The following KDM1B variants were observed in gnomAD, a reference collection of about 807,000 sequenced individuals.
The protein encoded by KDM1B is lysine-specific histone demethylase 2.
A neutral mutation model predicts 107.4 loss-of-function variants in KDM1B; 63 were observed. The ratio of observed to expected loss-of-function variants is 0.59; its 90% confidence interval spans 0.48 to 0.72. The LOEUF (loss-of-function observed/expected upper bound fraction) is 0.72. KDM1B is among the 30% of genes least tolerant of loss of function. The pLI is 0.00. For missense variants in KDM1B, 749 were observed against 1,020.8 expected, an observed-to-expected ratio of 0.73 and a Z score of 3.63; for synonymous variants, 363 against 363.9, an observed-to-expected ratio of 1.00 and a Z score of 0.03.
intron 15 of KDM1B, among the ~76,000 whole-genome samples, chr6:18,206,394 G>A (rs9477675): frequency 0.14 from 20,568 of 152,098 alleles, 1,458 homozygotes; most frequent in African/African-American, 0.19. Context: ...GCATGTGCCT[G>A]TAGTCCCAGC....
At chr6:18,188,610 T>TTTTTA (rs1164459746) in intron 9 of KDM1B, among the ~76,000 whole-genome samples, 1 of 152,016 alleles carries the variant, frequency 6.6e-6, no homozygotes, top group Non-Finnish European at 1.5e-5. Flanking sequence ...TTTACTTTAT[T>TTTTTA]TTTTATTTTA....
rs200698143 is a variant in KDM1B, at chr6:18,208,601, A to ATG, written c.1866+397_1866+398dup. 8.6e-3 allele frequency among the ~76,000 whole-genome samples: 329 copies of ATG among 38,288 alleles called. 30 individuals carry two copies. The highest frequency in any genetic ancestry group is 0.025 in the African/African-American group (253 of 10,260). The allele number at this position is 38,288 out of a possible 152,430, so 25.1% of individuals were successfully genotyped here. A position where few individuals can be genotyped will look rare whatever the true frequency, so the allele number is the denominator to read the frequency against. ...TATAGGGTTAAATAGAAGTATGTGT[A>ATG]TGTATATATATATATATATATATAT... On this transcript the variant is annotated intron_variant, in intron 17 of 21. Transcript: ENST00000650836.
intron 7 of KDM1B, among the ~76,000 whole-genome samples, chr6:18,179,634 A>T (rs1786293227): frequency 6.6e-6 from 1 of 151,102 alleles, no homozygotes; most frequent in African/African-American, 2.4e-5. Context: ...TGTCTTTTTC[A>T]TCTATGTTGT....
At chr6:18,221,843 T>C (rs1789776135) in intron 21 of KDM1B, 66 bp from the exon 22 acceptor site, 4 of 1,292,168 alleles carry the variant, frequency 3.1e-6, no homozygotes, top group Non-Finnish European at 4.3e-6. Context: ...AGTCTAACCT[T>C]GTTTTACCTT....
chr6:18,165,187 G>A (rs758637301), intron 5 of KDM1B, among the ~76,000 whole-genome samples: 1 of 132,074 alleles, frequency 7.6e-6, no homozygotes, highest in South Asian at 2.4e-4. Context: ...AGGCTGGAGT[G>A]CAGTGGCGTA....
chr6:18,179,312 G>T (rs1184523675), intron 7 of KDM1B, among the ~76,000 whole-genome samples: 2 of 152,112 alleles, frequency 1.3e-5, no homozygotes, highest in African/African-American at 4.8e-5. Context: ...TTTTGTTAAA[G>T]ATTTTTGCAT....
intron 7 of KDM1B, among the ~76,000 whole-genome samples, chr6:18,184,734 T>G (rs1477348074): frequency 1.5e-5 from 2 of 129,212 alleles, no homozygotes; most frequent in South Asian, 2.4e-4. Flanking sequence ...CTAGCTTTTT[T>G]CCTTTTTTTT....
chr6:18,155,894 C>G lies in KDM1B; in HGVS notation c.-46C>G, dbSNP rs1216997824. Reference sequence around the variant, plus strand: ...TCCTTTCTGTACAGCGGTGCCTTTTCCCCGAGACTCCCGGCACCTCTTCAG... The same window carrying G: ...TCCTTTCTGTACAGCGGTGCCTTTTGCCCGAGACTCCCGGCACCTCTTCAG... On this transcript the variant is annotated 5_prime_UTR_variant, in exon 2 of 22. Transcript: ENST00000650836. This position sits in a 1 kb window ranked among gnomAD's most constrained non-coding sequence, Gnocchi z 6.2. The G allele has an allele frequency of 6.6e-6, 1 of 152,180 alleles. No homozygotes were observed. Among genetic ancestry groups the G allele is most frequent in the African/African-American group, 2.4e-5 (1 of 41,450 alleles). The allele number at this position is 152,180 out of a possible 1,614,324, so 9.4% of individuals were successfully genotyped here.
Position 18,203,474 on chromosome 6 carries a change from G to A in KDM1B, c.1531+1817G>A, listed in dbSNP as rs1047470686. On this transcript the variant is annotated intron_variant, in intron 14 of 21. Transcript: ENST00000650836. The surrounding 1 kb of genome is among the most constrained non-coding windows in gnomAD (Gnocchi z 5.5). ...ATCTCATCTTACCAGCACAAAGCTG[G>A]GGAAACTCAAATCTAAATACTAAGG... 3.7e-4 allele frequency among the ~76,000 whole-genome samples: 57 copies of A among 152,222 alleles called. No homozygotes were observed. The highest frequency in any genetic ancestry group is 1.2e-3 in the African/African-American group (51 of 41,528).
rs1032243085 is a variant in KDM1B at position 18,214,512 on chromosome 6, G to A, written c.2110-495G>A. Among the ~76,000 whole-genome samples the A allele has an allele frequency of 7.2e-5, 11 of 152,222 alleles. No homozygotes were observed. The highest frequency in any genetic ancestry group is 2.7e-4 in the African/African-American group (11 of 41,458). On this transcript the variant is annotated intron_variant, in intron 19 of 21. Transcript: ENST00000650836. The surrounding 1 kb of genome is among the most constrained non-coding windows in gnomAD (Gnocchi z 4.4). ...TAGTGTTTTTCTTTTCCAGCAGGAA[G>A]CAATAGAGTGGATGGATGAATAATG...
Position 18,213,620 on chromosome 6 carries a change from A to G in KDM1B, c.1984-36A>G. 6.2e-7 allele frequency: 1 copy of G among 1,611,950 alleles called. No homozygotes were observed. Among genetic ancestry groups the G allele is most frequent in the South Asian group, 1.1e-5 (1 of 90,992 alleles). ...ATATTGCCTGTGGTTTTGTGACGAC[A>G]GACACCTAACCACCTTTCTTCTGCT... On this transcript the variant is annotated intron_variant, in intron 18 of 21. Transcript: ENST00000650836. The surrounding 1 kb of genome is among the most constrained non-coding windows in gnomAD (Gnocchi z 5.9).
At chr6:18,219,693 G>A (rs1789528377) in intron 21 of KDM1B, among the ~76,000 whole-genome samples, 2 of 152,060 alleles carry the variant, frequency 1.3e-5, no homozygotes, top group African/African-American at 4.8e-5. Context: ...CCAAATCCCC[G>A]ATCCATCACC....
intron 5 of KDM1B, among the ~76,000 whole-genome samples, chr6:18,165,881 T>TG (rs1785266450): frequency 6.6e-6 from 1 of 152,068 alleles, no homozygotes; most frequent in Non-Finnish European, 1.5e-5. Flanking sequence ...TCCAGCTACT[T>TG]GGGAGCCTGA....
chr6:18,195,456 G>A (rs1409830504), intron 10 of KDM1B, among the ~76,000 whole-genome samples: 3 of 152,108 alleles, frequency 2.0e-5, no homozygotes, highest in East Asian at 1.9e-4. Flanking sequence ...TGTTGTGGCC[G>A]GGCACGGTGG....
Position 18,180,228 on chromosome 6 carries a change from A to C in KDM1B, c.535-5544A>C, listed in dbSNP as rs183849359. On this transcript the variant is annotated intron_variant, in intron 7 of 21. Transcript: ENST00000650836. Reference sequence around the variant, plus strand: ...CAGGCTGCGTGGCTGCACTGATGGGAGCTGGGAACTGAGCAATGAAAATAC... The same window carrying C: ...CAGGCTGCGTGGCTGCACTGATGGGCGCTGGGAACTGAGCAATGAAAATAC... 3.3e-5 allele frequency among the ~76,000 whole-genome samples: 5 copies of C among 151,902 alleles called. No individual in the cohort carries two copies. In the East Asian group the frequency reaches 9.7e-4, roughly 30 times the overall value.
intron 7 of KDM1B, among the ~76,000 whole-genome samples, chr6:18,181,999 G>A (rs1015831162): frequency 5.9e-5 from 9 of 152,034 alleles, no homozygotes; most frequent in African/African-American, 2.2e-4. Flanking sequence ...ATATGTTTAT[G>A]TAGATTTACT....
At chr6:18,174,118 C>T (rs774743957) in intron 7 of KDM1B, among the ~76,000 whole-genome samples, 37 of 152,108 alleles carry the variant, frequency 2.4e-4, no homozygotes, top group African/African-American at 8.0e-4. Context: ...ATCAATTGGC[C>T]GTATGTGTGT....
chr6:18,161,187 GT>G (rs1373456294), intron 3 of KDM1B, 139 bp from the exon 4 acceptor site: 2 of 665,408 alleles, frequency 3.0e-6, no homozygotes, highest in Non-Finnish European at 5.2e-6. Flanking sequence ...GGAAATTGCT[GT>G]ATTGTCATCC....
At position 18,211,198 on chromosome 6, in the gene KDM1B, A is replaced by G. The variant is rs1173468194; in HGVS notation, c.1867-1290A>G. 2.0e-5 allele frequency among the ~76,000 whole-genome samples: 3 copies of G among 152,284 alleles called. No individual in the cohort carries two copies. In the East Asian group the frequency reaches 5.8e-4, roughly 29 times the overall value. ...TCATGTGGCAGAAAATAGTGACAAA[A>G]TCAGAGAACTCTGAACTTCCTGTGA... On this transcript the variant is annotated intron_variant, in intron 17 of 21. Coordinates refer to ENST00000650836, the MANE Select transcript of KDM1B (RefSeq NM_001364614.2). The surrounding 1 kb of genome is among the most constrained non-coding windows in gnomAD (Gnocchi z 5.2).
Sources: allele counts gnomAD v4.1 joint callset (sites outside exome capture counted in the v4.1 genomes callset), GRCh38; gene constraint gnomAD v4.1.1; non-coding constraint Gnocchi (gnomAD v3.1); transcripts MANE v1.5; gene names NCBI Gene and HGNC (gene_info 2026-07-23, HGNC 2026-07-21).